KCNS3: variants seen among roughly 807,000 people sequenced by gnomAD.
The protein encoded by KCNS3 is delayed-rectifier potassium channel regulatory subunit KCNS3.
Under a neutral mutation model 31.0 loss-of-function variants are expected in KCNS3, and 13 were observed. The ratio of observed to expected loss-of-function variants is 0.42; its 90% CI spans 0.27 to 0.67. KCNS3 has a LOEUF of 0.67. Ranked by LOEUF, KCNS3 falls within the 30% of genes least tolerant of loss-of-function variation. The probability of loss-of-function intolerance (pLI) is 0.25; values close to 1 mark genes in which losing one functional copy is unlikely to be tolerated. For synonymous variants in KCNS3, 238 were observed against 241.5 expected, an observed-to-expected ratio of 0.99 and a Z score of 0.13; for missense variants, 545 against 622.4, an observed-to-expected ratio of 0.88 and a Z score of 1.32.
At chr2:17,918,740 A>G (rs1662646484) in intron 2 of KCNS3, among the ~76,000 whole-genome samples, 1 of 152,244 alleles carries the variant, frequency 6.6e-6, no homozygotes, top group Non-Finnish European at 1.5e-5. Flanking sequence ...AGAGTGAGCA[A>G]CAATCAGACT....
At chr2:17,900,220 C>T (rs2125239337) in intron 1 of KCNS3, among the ~76,000 whole-genome samples, 1 of 152,238 alleles carries the variant, frequency 6.6e-6, no homozygotes. Context: ...AAAAAATAGG[C>T]CTACCTTTGC....
At chr2:17,911,868 G>A (rs868566277) in intron 1 of KCNS3, among the ~76,000 whole-genome samples, 5 of 152,288 alleles carry the variant, frequency 3.3e-5, no homozygotes, top group African/African-American at 1.2e-4. Context: ...CTATTTACCA[G>A]TTTCTCCATC....
chr2:17,931,765 A>G lies in KCNS3; in HGVS notation c.757A>G (p.Asn253Asp), dbSNP rs2125256472. Reference sequence around the variant, plus strand: ...TCCTTGTCAAAAGAAATTCTGGAAAAACCCTCTGAACATCATTGACTTTGT... The same window carrying G: ...TCCTTGTCAAAAGAAATTCTGGAAAGACCCTCTGAACATCATTGACTTTGT... ...AAPCQKKFWK[N>D]PLNIIDFVSI... is the part of the protein sequence containing the mutation. The change falls in exon 3 of 3, where the codon AAC (asparagine) becomes GAC (aspartate). Residue 253 changes from asparagine (N) to aspartate (D), a missense_variant. By Grantham distance (23) the Asn-to-Asp change is conservative. Transcript: ENST00000304101. The surrounding 1 kb of genome is among the most constrained non-coding windows in gnomAD (Gnocchi z 5.4). 6.2e-7 allele frequency: 1 copy of G among 1,613,882 alleles called. No homozygotes were observed. The highest frequency in any genetic ancestry group is 1.3e-5 in the African/African-American group (1 of 74,992).
chr2:17,895,170 A>G (rs1221322210), intron 1 of KCNS3, among the ~76,000 whole-genome samples: 1 of 152,234 alleles, frequency 6.6e-6, no homozygotes, highest in African/African-American at 2.4e-5. Flanking sequence ...TAGATGCTAT[A>G]TAAACCATCA....
intron 1 of KCNS3, among the ~76,000 whole-genome samples, chr2:17,890,280 C>A (rs116780391): frequency 6.6e-5 from 10 of 152,140 alleles, no homozygotes; most frequent in Non-Finnish European, 1.0e-4. Flanking sequence ...TTTCCTGCTT[C>A]GTTTCTTAGT....
intron 1 of KCNS3, among the ~76,000 whole-genome samples, chr2:17,911,346 C>G (rs1243692254): frequency 2.0e-5 from 3 of 152,214 alleles, no homozygotes; most frequent in Non-Finnish European, 4.4e-5. Context: ...ATAGCATTAG[C>G]TCAGGATAGT....
intron 1 of KCNS3, among the ~76,000 whole-genome samples, chr2:17,885,616 G>A (rs953260135): frequency 2.6e-5 from 4 of 152,316 alleles, no homozygotes; most frequent in Middle Eastern, 3.4e-3. Flanking sequence ...GAAGTCCAAA[G>A]GCAGGCTGCT....
At chr2:17,887,004 T>G (rs879024406) in intron 1 of KCNS3, among the ~76,000 whole-genome samples, 1 of 143,854 alleles carries the variant, frequency 7.0e-6, no homozygotes, top group East Asian at 2.0e-4. Flanking sequence ...TGGTGCATCT[T>G]TTTGGTGATG....
chr2:17,899,938 G>T (rs1216905679), intron 1 of KCNS3, among the ~76,000 whole-genome samples: 1 of 152,138 alleles, frequency 6.6e-6, no homozygotes. Flanking sequence ...GAATTTAAGG[G>T]CATGAGCCTG....
intron 2 of KCNS3, among the ~76,000 whole-genome samples, chr2:17,921,209 G>T (rs1188699636): frequency 6.6e-6 from 1 of 152,136 alleles, no homozygotes; most frequent in Non-Finnish European, 1.5e-5. Flanking sequence ...ATTTTTAATG[G>T]AGAATTTTAA....
intron 1 of KCNS3, among the ~76,000 whole-genome samples, chr2:17,910,142 T>C (rs1203953020): frequency 6.6e-6 from 1 of 152,260 alleles, no homozygotes; most frequent in African/African-American, 2.4e-5. Flanking sequence ...AAAAGCAATT[T>C]ATGAGTTAGC....
intron 1 of KCNS3, among the ~76,000 whole-genome samples, chr2:17,905,583 T>C (rs1662294441): frequency 6.6e-6 from 1 of 152,190 alleles, no homozygotes; most frequent in Non-Finnish European, 1.5e-5. Flanking sequence ...TTCAGTATGA[T>C]ATTGGCTGTG....
In KCNS3 at chr2:17,932,463, G is replaced by A; in HGVS notation, c.1455G>A (p.Leu485=). Residue 485 remains leucine (L), a synonymous_variant, in exon 3 of 3, where the codon TTG becomes TTA. Transcript: ENST00000304101. ...DNEDICNTTS[L]ENCTAK ...AGGACATTTGTAACACCACCTCCTT[G>A]GAGAATTGCACAGCAAAATGAGCGG... 1.2e-6 allele frequency: 2 copies of A among 1,612,098 alleles called. No individual in the cohort carries two copies. Among genetic ancestry groups the A allele is most frequent in the Non-Finnish European group, 1.7e-6 (2 of 1,179,024 alleles).
Position 17,931,329 on chromosome 2 carries a change from C to T in KCNS3, c.321C>T (p.Gly107=), listed in dbSNP as rs773635302. ...FSFCQEIEYW[G]INELFIDSCC... ...TCTGCCAGGAGATCGAGTACTGGGGCATCAACGAGCTCTTCATTGATTCTT... is the reference window on the plus strand; with the variant it reads ...TCTGCCAGGAGATCGAGTACTGGGGTATCAACGAGCTCTTCATTGATTCTT... The change falls in exon 3 of 3, where the codon GGC becomes GGT. Residue 107 remains glycine, a synonymous_variant. Transcript: ENST00000304101. The surrounding 1 kb of genome is among the most constrained non-coding windows in gnomAD (Gnocchi z 5.4). 1.9e-6 allele frequency: 3 copies of T among 1,614,008 alleles called. No individual in the cohort carries two copies. In the African/African-American group the frequency reaches 4.0e-5, roughly 22 times the overall value.
intron 2 of KCNS3, among the ~76,000 whole-genome samples, chr2:17,926,929 C>G (rs113765978): frequency 0.065 from 9,911 of 152,296 alleles, 365 homozygotes; most frequent in East Asian, 0.12. Flanking sequence ...ATCACATCAT[C>G]GGGCTCCAAA....
chr2:17,882,950 G>A (rs192794147), intron 1 of KCNS3, among the ~76,000 whole-genome samples: 3 of 152,224 alleles, frequency 2.0e-5, no homozygotes, highest in South Asian at 2.1e-4. Flanking sequence ...TACTAGGCTA[G>A]GTTGTGGTAT....
At chr2:17,929,534 C>T (rs1388091107) in intron 2 of KCNS3, among the ~76,000 whole-genome samples, 1 of 152,200 alleles carries the variant, frequency 6.6e-6, no homozygotes. Flanking sequence ...CCAGGCTCCA[C>T]CTGCAACACG....
chr2:17,909,941 C>T (rs1662432449), intron 1 of KCNS3, among the ~76,000 whole-genome samples: 1 of 152,184 alleles, frequency 6.6e-6, no homozygotes, highest in South Asian at 2.1e-4. Context: ...ATAGGAGGGA[C>T]ATGATGTGAT....
At chr2:17,906,989 G>T (rs952987510) in intron 1 of KCNS3, among the ~76,000 whole-genome samples, 1 of 152,236 alleles carries the variant, frequency 6.6e-6, no homozygotes, top group East Asian at 1.9e-4. Flanking sequence ...TTGGTGCAGA[G>T]CTGAGTTCAA....
Sources: allele counts gnomAD v4.1 joint callset (sites outside exome capture counted in the v4.1 genomes callset), GRCh38; gene constraint gnomAD v4.1.1; non-coding constraint Gnocchi (gnomAD v3.1); transcripts MANE v1.5; gene names NCBI Gene and HGNC (gene_info 2026-07-23, HGNC 2026-07-21).